Variants in PIK3CB observed in about 807,000 individuals in gnomAD.
PIK3CB encodes the protein phosphatidylinositol 4,5-bisphosphate 3-kinase catalytic subunit beta isoform.
Under a neutral mutation model 136.8 loss-of-function variants are expected in PIK3CB, and 39 were observed. The ratio of observed to expected loss-of-function variants is 0.29; its 90% confidence interval spans 0.22 to 0.37. PIK3CB has a LOEUF of 0.37. Ranked by LOEUF, PIK3CB falls within the 10% of genes least tolerant of loss-of-function variation. PIK3CB has a pLI of 1.00. For synonymous variants in PIK3CB, 428 were observed against 436.6 expected, an observed-to-expected ratio of 0.98 and a Z score of 0.25; for missense variants, 868 against 1,275.4, an observed-to-expected ratio of 0.68 and a Z score of 4.87.
intron 8 of PIK3CB, among the ~76,000 whole-genome samples, chr3:138,718,955 C>T (rs1010674918): frequency 3.9e-5 from 6 of 152,066 alleles, no homozygotes; most frequent in African/African-American, 1.4e-4. Flanking sequence ...TTGGGTTTTT[C>T]TCCCTCTCTT....
At chr3:138,704,692 A>C (rs551663808) in intron 11 of PIK3CB, among the ~76,000 whole-genome samples, 199 bp from the exon 12 acceptor site, 1 of 152,134 alleles carries the variant, frequency 6.6e-6, no homozygotes, top group Non-Finnish European at 1.5e-5. Flanking sequence ...GTATTGCTAT[A>C]AGGGATTATG....
chr3:138,796,661 G>A (rs1397130820), intron 1 of PIK3CB, 94 bp from the exon 2 acceptor site: 1 of 152,104 alleles, frequency 6.6e-6, no homozygotes, highest in African/African-American at 2.4e-5. Context: ...ACTTCTTAAT[G>A]CTACACATTT....
chr3:138,714,634 T>C lies in PIK3CB; in HGVS notation c.1136A>G (p.His379Arg). 23 of 1,613,240 alleles carry C rather than the reference T, an allele frequency of 1.4e-5. No individual in the cohort carries two copies. The highest frequency in any genetic ancestry group is 2.0e-5 in the Non-Finnish European group (23 of 1,179,208). ...AAATTCCAGTGGTTCATTCCAAATA[T>C]GATCATTTTTCCCTGATACCTCTGA... ...VSSEVSGKND[H>R]IWNEPLEFDI... The change falls in exon 9 of 24, where the codon CAT becomes CGT. Residue 379 changes from histidine to arginine, a missense_variant. Physicochemically the swap from His to Arg is conservative, Grantham distance 29. This residue lies in a region of PIK3CB where 612 missense variants were observed against 801.1 expected (regional missense o/e 0.76). Coordinates refer to ENST00000674063, the MANE Select transcript of PIK3CB (RefSeq NM_006219.3).
At chr3:138,762,985 A>AAT (rs771592324) in intron 2 of PIK3CB, among the ~76,000 whole-genome samples, 61 of 151,792 alleles carry the variant, frequency 4.0e-4, no homozygotes, top group African/African-American at 5.6e-4. Context: ...ACAATAAAAA[A>AAT]ATATATATAT....
intron 5 of PIK3CB, among the ~76,000 whole-genome samples, chr3:138,738,225 G>A (rs111835150): frequency 3.6e-4 from 55 of 151,782 alleles, no homozygotes; most frequent in African/African-American, 6.8e-4. Context: ...AGGCTGGAGC[G>A]CAATGGCTCG....
intron 18 of PIK3CB, 36 bp downstream of exon 18, chr3:138,683,642 T>C: frequency 9.2e-7 from 1 of 1,092,372 alleles, no homozygotes; most frequent in South Asian, 1.3e-5. Context: ...AATGAAAAAT[T>C]CTAAGAAATT....
At position 138,701,525 on chromosome 3, in the gene PIK3CB, G is replaced by A. The variant is rs970048864; in HGVS notation, c.1582-2430C>T. ...GATGTGGCCGGGCGTGGTGGCTGAC[G>A]CCTGTAATCCCAGCACTTTGGGAGG... is the stretch of plus-strand genomic sequence containing the variant. On this transcript the variant is annotated intron_variant, in intron 12 of 23. Transcript: ENST00000674063. 3.3e-5 allele frequency among the ~76,000 whole-genome samples: 5 copies of A among 152,184 alleles called. No individual in the cohort carries two copies. The East Asian group carries it at 5.8e-4, about 18-fold the overall frequency.
At chr3:138,699,550 A>T (rs1477200535) in intron 12 of PIK3CB, among the ~76,000 whole-genome samples, 1 of 152,152 alleles carries the variant, frequency 6.6e-6, no homozygotes. Context: ...CAGTTATAAG[A>T]CTAGAAGACT....
chr3:138,833,303 T>C (rs7611349), intron 1 of PIK3CB, among the ~76,000 whole-genome samples: 33 of 151,956 alleles, frequency 2.2e-4, no homozygotes, highest in Admixed American at 1.4e-3. Flanking sequence ...CTGGAATCAA[T>C]TGATCCGCCC....
chr3:138,700,571 T>TA (rs1374922936), intron 12 of PIK3CB, among the ~76,000 whole-genome samples: 6 of 150,690 alleles, frequency 4.0e-5, no homozygotes, highest in East Asian at 2.0e-4. Context: ...TCCTATAAGT[T>TA]AAAAAAAAGA....
intron 8 of PIK3CB, among the ~76,000 whole-genome samples, chr3:138,717,981 T>G (rs1428370716): frequency 6.6e-6 from 1 of 152,220 alleles, no homozygotes; most frequent in East Asian, 1.9e-4. Flanking sequence ...TTGTGAATAG[T>G]GCTGCAATGA....
At chr3:138,733,317 A>G in intron 8 of PIK3CB, 44 bp downstream of exon 8, 1 of 873,170 alleles carries the variant, frequency 1.1e-6, no homozygotes, top group Middle Eastern at 2.2e-4. Context: ...GAGTTATTCA[A>G]ATACTGGAGC....
At chr3:138,707,074 G>GA (rs2044393435) in intron 11 of PIK3CB, 85 bp downstream of exon 11, 4 of 875,584 alleles carry the variant, frequency 4.6e-6, no homozygotes, top group African/African-American at 1.7e-5. Context: ...AGTTTTGAAA[G>GA]AGACAGATAG....
intron 3 of PIK3CB, among the ~76,000 whole-genome samples, chr3:138,757,547 C>G (rs1190820986): frequency 1.4e-5 from 2 of 144,534 alleles, no homozygotes; most frequent in African/African-American, 5.2e-5. Context: ...AAGATCGTAT[C>G]TCTTAGACAA....
At chr3:138,832,817 C>A (rs1158194085) in intron 1 of PIK3CB, among the ~76,000 whole-genome samples, 2 of 102,572 alleles carry the variant, frequency 1.9e-5, no homozygotes, top group African/African-American at 7.8e-5. Context: ...ACAACAAAAG[C>A]GAAACTCCGT....
In PIK3CB at chr3:138,746,931, C is replaced by T. The variant is rs1001385076; in HGVS notation, c.398-4150G>A. Among the ~76,000 whole-genome samples, 11 of 150,024 alleles carry T rather than the reference C, an allele frequency of 7.3e-5. No individual in the cohort carries two copies. The South Asian group carries it at 8.4e-4, about 11-fold the overall frequency. On this transcript the variant is annotated intron_variant, in intron 4 of 23. Transcript: ENST00000674063. Reference sequence around the variant, plus strand: ...GGTTTAGCACCTGCTGACATAGCTGCGGCGACAGTTTCATGAATTTGTTTT... The same window carrying T: ...GGTTTAGCACCTGCTGACATAGCTGTGGCGACAGTTTCATGAATTTGTTTT...
chr3:138,757,559 CA>C lies in PIK3CB; in HGVS notation c.172-1581del, dbSNP rs201062901. ...AACAAGATCGTATCTCTTAGACAAACAAAAAAAGGAAAGAAATAATGTAAGA... is the reference window on the plus strand; with the variant it reads ...AACAAGATCGTATCTCTTAGACAAACAAAAAAGGAAAGAAATAATGTAAGA... On this transcript the variant is annotated intron_variant, in intron 3 of 23. Transcript: ENST00000674063. 3.6e-4 allele frequency among the ~76,000 whole-genome samples: 35 copies of C among 96,528 alleles called. No individual in the cohort carries two copies. The East Asian group carries it at 5.8e-3, about 16-fold the overall frequency. 63.3% of individuals were successfully genotyped at this position (96,528 alleles called of 152,430 possible).
intron 5 of PIK3CB, among the ~76,000 whole-genome samples, chr3:138,742,066 G>C (rs909187147): frequency 2.6e-5 from 4 of 152,132 alleles, no homozygotes; most frequent in Non-Finnish European, 4.4e-5. Context: ...AGACCATTTT[G>C]ATTAGGCTTT....
chr3:138,832,716 C>A (rs1372058580), intron 1 of PIK3CB, among the ~76,000 whole-genome samples: 1 of 151,548 alleles, frequency 6.6e-6, no homozygotes, highest in Non-Finnish European at 1.5e-5. Flanking sequence ...GTAATCCCAA[C>A]TACTCGGGAG....
Sources: allele counts gnomAD v4.1 joint callset (sites outside exome capture counted in the v4.1 genomes callset), GRCh38; gene constraint gnomAD v4.1.1; regional missense constraint gnomAD v4.1.1; transcripts MANE v1.5; gene names NCBI Gene and HGNC (gene_info 2026-07-23, HGNC 2026-07-21).